Variants in KCNIP4 observed in about 807,000 individuals in gnomAD.
KCNIP4 encodes the protein potassium voltage-gated channel interacting protein 4.
A neutral mutation model predicts 34.0 loss-of-function variants in KCNIP4; 12 were observed. The ratio of observed to expected loss-of-function variants is 0.35; its 90% CI spans 0.23 to 0.57. The LOEUF is 0.57. Ranked by LOEUF, KCNIP4 falls within the 20% of genes least tolerant of loss-of-function variation. The probability of loss-of-function intolerance (pLI) is 0.83; values close to 1 mark genes in which losing one functional copy is unlikely to be tolerated. For missense variants in KCNIP4, 238 were observed against 311.7 expected (o/e 0.76, Z 1.78); for synonymous variants, 124 against 102.2 (o/e 1.21, Z -1.29).
intron 1 of KCNIP4, among the ~76,000 whole-genome samples, chr4:21,842,155 C>A (rs1276959279): frequency 6.6e-6 from 1 of 152,132 alleles, no homozygotes; most frequent in East Asian, 1.9e-4. Context: ...AATAATTATT[C>A]ATGTCTTTAA....
At chr4:21,898,644 G>A (rs1393729585) in intron 1 of KCNIP4, among the ~76,000 whole-genome samples, 2 of 152,172 alleles carry the variant, frequency 1.3e-5, no homozygotes, top group Non-Finnish European at 2.9e-5. Flanking sequence ...TCATACCCAG[G>A]CAGTACTTGC....
intron 5 of KCNIP4, among the ~76,000 whole-genome samples, chr4:20,742,484 A>G (rs1751368509): frequency 6.6e-6 from 1 of 152,222 alleles, no homozygotes; most frequent in Non-Finnish European, 1.5e-5. Context: ...TTATCTCAAC[A>G]GACACAGAAG....
intron 1 of KCNIP4, among the ~76,000 whole-genome samples, chr4:21,397,065 C>G (rs887305026): frequency 1.3e-5 from 2 of 152,122 alleles, no homozygotes; most frequent in African/African-American, 4.8e-5. Flanking sequence ...GCCTTGGCAA[C>G]TGGGGGTGTT....
chr4:20,802,176 ATATATATGCTATATATATGC>A (rs1168509241), intron 3 of KCNIP4, among the ~76,000 whole-genome samples: 2 of 115,750 alleles, frequency 1.7e-5, no homozygotes, highest in Admixed American at 9.5e-5. Flanking sequence ...TATATATGCT[ATATATATGCTATATATATGC>A]TATATATATA....
intron 1 of KCNIP4, among the ~76,000 whole-genome samples, chr4:21,688,553 G>A (rs950542897): frequency 2.0e-5 from 3 of 152,100 alleles, no homozygotes; most frequent in African/African-American, 7.2e-5. Context: ...TACTATCAGA[G>A]CTCAAAAAGA....
chr4:21,760,116 C>A (rs185269333), intron 1 of KCNIP4, among the ~76,000 whole-genome samples: 2 of 152,080 alleles, frequency 1.3e-5, no homozygotes, highest in Non-Finnish European at 2.9e-5. Flanking sequence ...ATAATGTTGC[C>A]GTGCAGCTCA....
At chr4:21,572,967 T>C (rs992958606) in intron 1 of KCNIP4, among the ~76,000 whole-genome samples, 1 of 152,162 alleles carries the variant, frequency 6.6e-6, no homozygotes, top group African/African-American at 2.4e-5. Flanking sequence ...TGTTCTCTCA[T>C]GATCTTTTCC....
At chr4:21,305,678 G>A (rs1240941202) in intron 1 of KCNIP4, among the ~76,000 whole-genome samples, 3 of 152,178 alleles carry the variant, frequency 2.0e-5, no homozygotes, top group Admixed American at 2.0e-4. Flanking sequence ...CACCTCAGTG[G>A]TCTTACTCCT....
chr4:21,233,240 G>C (rs1758929417), intron 1 of KCNIP4, among the ~76,000 whole-genome samples: 1 of 152,110 alleles, frequency 6.6e-6, no homozygotes, highest in South Asian at 2.1e-4. Context: ...ATGTGAAAAA[G>C]CTCTTTCAGT....
intron 1 of KCNIP4, among the ~76,000 whole-genome samples, chr4:21,647,115 T>C (rs1747078188): frequency 6.6e-6 from 1 of 152,054 alleles, no homozygotes; most frequent in South Asian, 2.1e-4. Context: ...AAAATATATG[T>C]TTAATATTAA....
intron 2 of KCNIP4, among the ~76,000 whole-genome samples, chr4:20,880,831 T>C (rs1724604378): frequency 6.6e-6 from 1 of 152,218 alleles, no homozygotes; most frequent in South Asian, 2.1e-4. Flanking sequence ...ATTAGGGCTC[T>C]GGCATTTTTC....
At chr4:21,288,975 G>T (rs1763281199) in intron 1 of KCNIP4, among the ~76,000 whole-genome samples, 1 of 152,068 alleles carries the variant, frequency 6.6e-6, no homozygotes, top group South Asian at 2.1e-4. Flanking sequence ...ATCCCCACTT[G>T]TTAATAAAGG....
At chr4:20,933,248 G>A (rs369545332) in intron 1 of KCNIP4, among the ~76,000 whole-genome samples, 1,721 of 150,820 alleles carry the variant, frequency 0.011, 22 homozygotes, top group African/African-American at 0.038. Context: ...TGTCTCAAAA[G>A]AAAAAAAATA....
intron 1 of KCNIP4, among the ~76,000 whole-genome samples, chr4:21,012,258 G>A (rs560372812): frequency 1.3e-5 from 2 of 152,194 alleles, no homozygotes; most frequent in African/African-American, 4.8e-5. Context: ...CTCCCAGGGA[G>A]AAAATATAGT....
At chr4:21,870,858 A>G (rs1725749319) in intron 1 of KCNIP4, among the ~76,000 whole-genome samples, 1 of 152,202 alleles carries the variant, frequency 6.6e-6, no homozygotes, top group African/African-American at 2.4e-5. Flanking sequence ...TGTTGTCAGG[A>G]TTAAACAAGA....
rs183911818 is a variant in KCNIP4 at position 21,739,996 on chromosome 4, T to C, written c.61+208575A>G. Among the ~76,000 whole-genome samples the C allele has an allele frequency of 8.7e-3, 1,326 of 152,230 alleles. 18 individuals are homozygous for C. Among genetic ancestry groups the C allele is most frequent in the South Asian group, 0.039 (188 of 4,830 alleles). On this transcript the variant is annotated intron_variant, in intron 1 of 8. Transcript: ENST00000382152. Reference sequence around the variant, plus strand: ...AGCAATTGGTTTTAATCTCTGTATATGGGCTTAGTCCAAAAGGGTTTCAAA... The same window carrying C: ...AGCAATTGGTTTTAATCTCTGTATACGGGCTTAGTCCAAAAGGGTTTCAAA...
chr4:21,382,064 G>A (rs1289989033), intron 1 of KCNIP4, among the ~76,000 whole-genome samples: 2 of 152,226 alleles, frequency 1.3e-5, no homozygotes, highest in Non-Finnish European at 2.9e-5. Context: ...CTAAGTAAAT[G>A]TTGTATGACC....
chr4:21,420,418 T>C (rs1184954970), intron 1 of KCNIP4, among the ~76,000 whole-genome samples: 2 of 152,172 alleles, frequency 1.3e-5, no homozygotes, highest in Non-Finnish European at 1.5e-5. Context: ...CTGCCTCCAG[T>C]TAATCTATTG....
chr4:20,756,884 T>G (rs888293230), intron 4 of KCNIP4, among the ~76,000 whole-genome samples: 4 of 152,110 alleles, frequency 2.6e-5, no homozygotes, highest in South Asian at 2.1e-4. Context: ...AGTTTCATGC[T>G]GGCCTCATGG....
Sources: gnomAD v4.1 joint callset for allele counts (sites outside exome capture counted in the v4.1 genomes callset) on GRCh38, gnomAD v4.1.1 for gene constraint, MANE v1.5 for transcripts, NCBI Gene and HGNC (gene_info 2026-07-23, HGNC 2026-07-21) for gene names.